TBC1D22A: variants seen among roughly 807,000 people sequenced by gnomAD.
The protein encoded by TBC1D22A is TBC1 domain family member 22A.
In TBC1D22A, 38 loss-of-function variants were observed where a neutral mutation model predicts 60.2. The observed-to-expected ratio is 0.63, with a 90% CI of 0.49 to 0.83. The LOEUF is 0.83. TBC1D22A is among the 40% of genes least tolerant of loss of function. TBC1D22A has a pLI of 0.00. For missense variants in TBC1D22A, 628 were observed against 701.0 expected (o/e 0.90, Z 1.18); for synonymous variants, 302 against 281.7 (o/e 1.07, Z -0.72).
intron 11 of TBC1D22A, among the ~76,000 whole-genome samples, chr22:47,040,188 A>G (rs985837309): frequency 2.0e-5 from 3 of 151,632 alleles, no homozygotes; most frequent in African/African-American, 7.3e-5. Context: ...CTTGTGATCC[A>G]CCTGCCTCGG....
At chr22:47,114,658 C>T (rs954070495) in intron 12 of TBC1D22A, among the ~76,000 whole-genome samples, 1 of 152,154 alleles carries the variant, frequency 6.6e-6, no homozygotes, top group Non-Finnish European at 1.5e-5. Flanking sequence ...GATTCCCCAA[C>T]AGTGGAACGT....
intron 8 of TBC1D22A, among the ~76,000 whole-genome samples, chr22:46,952,373 C>T (rs2072960296): frequency 7.0e-6 from 1 of 142,116 alleles, no homozygotes; most frequent in African/African-American, 2.5e-5. Flanking sequence ...ATCCTGCGTT[C>T]TCCACTCTTG....
At chr22:46,896,714 G>A (rs1325142470) in intron 7 of TBC1D22A, among the ~76,000 whole-genome samples, 1 of 152,090 alleles carries the variant, frequency 6.6e-6, no homozygotes, top group Non-Finnish European at 1.5e-5. Flanking sequence ...ATCGCACCCC[G>A]CAAGTAATTT....
intron 4 of TBC1D22A, among the ~76,000 whole-genome samples, chr22:46,855,855 T>A (rs1459897696): frequency 6.6e-6 from 1 of 152,214 alleles, no homozygotes; most frequent in Non-Finnish European, 1.5e-5. Flanking sequence ...GGGATTATGT[T>A]GCTTTGCCTT....
chr22:47,171,908 C>T (rs1306815057), intron 12 of TBC1D22A, among the ~76,000 whole-genome samples: 1 of 127,986 alleles, frequency 7.8e-6, no homozygotes, highest in Non-Finnish European at 1.9e-5. Flanking sequence ...TCAGTGCCCC[C>T]ATAGCCCATC....
chr22:47,081,101 C>G (rs1443250635), intron 11 of TBC1D22A, among the ~76,000 whole-genome samples: 1 of 98,770 alleles, frequency 1.0e-5, no homozygotes, highest in Non-Finnish European at 1.9e-5. Context: ...GCCTGGGCAA[C>G]AAGAGCGAAA....
chr22:46,818,441 G>C (rs565348951), intron 4 of TBC1D22A, among the ~76,000 whole-genome samples: 2 of 152,308 alleles, frequency 1.3e-5, no homozygotes. Flanking sequence ...TATAAGGAAG[G>C]GGTCCAGTTG....
intron 1 of TBC1D22A, 77 bp from the exon 2 acceptor site, chr22:46,792,443 C>T: frequency 6.2e-7 from 1 of 1,601,900 alleles, no homozygotes; most frequent in Non-Finnish European, 8.6e-7. Context: ...TGGGAGCCCA[C>T]CTTTCGGCTG....
chr22:46,839,309 C>CT (rs1178066621), intron 4 of TBC1D22A, among the ~76,000 whole-genome samples: 3,657 of 139,964 alleles, frequency 0.026, 120 homozygotes, highest in African/African-American at 0.078. Flanking sequence ...GATTCTTCTT[C>CT]TTTTTTTTTT....
intron 11 of TBC1D22A, among the ~76,000 whole-genome samples, chr22:47,109,847 G>A (rs1196816208): frequency 6.6e-6 from 1 of 151,914 alleles, no homozygotes; most frequent in African/African-American, 2.4e-5. Flanking sequence ...TGCCTGCTCC[G>A]TCTTGGCCCA....
chr22:46,797,500 A>G lies in TBC1D22A; in HGVS notation c.517A>G (p.Thr173Ala). The change falls in exon 4 of 13, where the codon ACC (threonine) becomes GCC (alanine). Residue 173 changes from threonine to alanine, a missense_variant. Transcript: ENST00000337137. ...QRSQSLPHSA[T>A]VTLGGTSDPS... ...GTCCCAGTCTCTCCCACACTCGGCCACCGTCACGCTGGGTGGCACATCTGA... is the reference window on the plus strand; with the variant it reads ...GTCCCAGTCTCTCCCACACTCGGCCGCCGTCACGCTGGGTGGCACATCTGA... The G allele has an allele frequency of 6.2e-7, 1 of 1,613,846 alleles. No homozygotes were observed. Among genetic ancestry groups the G allele is most frequent in the Non-Finnish European group, 8.5e-7 (1 of 1,179,992 alleles).
chr22:46,942,333 A>G (rs2072224178), intron 8 of TBC1D22A, among the ~76,000 whole-genome samples: 1 of 152,138 alleles, frequency 6.6e-6, no homozygotes, highest in Non-Finnish European at 1.5e-5. Context: ...GCTTAGCTTT[A>G]TAAAGCTATC....
intron 4 of TBC1D22A, among the ~76,000 whole-genome samples, chr22:46,852,518 G>A (rs115060918): frequency 3.8e-3 from 577 of 152,294 alleles, no homozygotes; most frequent in African/African-American, 0.013. Context: ...TCTCAGTGGC[G>A]TGAGGTCCTT....
intron 4 of TBC1D22A, among the ~76,000 whole-genome samples, chr22:46,862,891 C>G (rs552829423): frequency 6.6e-6 from 1 of 152,122 alleles, no homozygotes; most frequent in Admixed American, 6.5e-5. Context: ...GAAGAGGCAC[C>G]GTGGACCCGA....
chr22:47,065,405 C>T (rs1006934337), intron 11 of TBC1D22A, among the ~76,000 whole-genome samples: 4 of 152,222 alleles, frequency 2.6e-5, no homozygotes, highest in African/African-American at 9.6e-5. Context: ...AGTTCAGTCT[C>T]ACAGGTGGGC....
intron 1 of TBC1D22A, among the ~76,000 whole-genome samples, chr22:46,775,651 T>C (rs1397347361): frequency 1.3e-5 from 2 of 152,106 alleles, no homozygotes; most frequent in African/African-American, 4.8e-5. Flanking sequence ...CTATAGTGAG[T>C]TAGTTTTGTG....
rs371616834 is a variant in TBC1D22A at position 46,770,349 on chromosome 22, C to T, written c.62+7501C>T. Among the ~76,000 whole-genome samples the T allele has an allele frequency of 1.4e-4, 22 of 152,364 alleles. 1 individual carries two copies. The East Asian group carries it at 3.9e-3, about 27-fold the overall frequency. ...GGAAAGGGGTTCTCCCTTCGAGCCTCCCGGAAGGGGCACAGCTGGCTGACG... is the reference window on the plus strand; with the variant it reads ...GGAAAGGGGTTCTCCCTTCGAGCCTTCCGGAAGGGGCACAGCTGGCTGACG... On this transcript the variant is annotated intron_variant, in intron 1 of 12. Coordinates refer to ENST00000337137, the MANE Select transcript of TBC1D22A (RefSeq NM_014346.5).
chr22:47,007,088 T>C (rs1303077783), intron 10 of TBC1D22A, among the ~76,000 whole-genome samples: 1 of 152,164 alleles, frequency 6.6e-6, no homozygotes, highest in Non-Finnish European at 1.5e-5. Context: ...TGGCCCCTTC[T>C]TCAGGCCAGA....
intron 4 of TBC1D22A, among the ~76,000 whole-genome samples, chr22:46,816,747 C>A (rs1412450450): frequency 2.0e-5 from 3 of 152,068 alleles, no homozygotes; most frequent in Admixed American, 2.0e-4. Flanking sequence ...TAAGATAGGC[C>A]ACATTTCCTA....
Sources: allele counts gnomAD v4.1 joint callset (sites outside exome capture counted in the v4.1 genomes callset), GRCh38; gene constraint gnomAD v4.1.1; transcripts MANE v1.5; gene names NCBI Gene and HGNC (gene_info 2026-07-23, HGNC 2026-07-21).